ZNF536: variants seen among roughly 807,000 people sequenced by gnomAD.
ZNF536 encodes zinc finger protein 536.
In ZNF536, 13 loss-of-function variants were observed where a neutral mutation model predicts 84.5. The observed-to-expected ratio is 0.15, with a 90% CI of 0.10 to 0.24. The LOEUF (loss-of-function observed/expected upper bound fraction) is 0.24. Among genes scored for constraint, ZNF536 ranks in the 10% least tolerant of loss-of-function variants. The probability of loss-of-function intolerance (pLI) is 1.00; values close to 1 mark genes in which losing one functional copy is unlikely to be tolerated. For synonymous variants in ZNF536, 811 were observed against 742.5 expected (o/e 1.09, Z -1.50); for missense variants, 1,536 against 1,747.5 (o/e 0.88, Z 2.16).
chr19:30,291,517 C>T (rs566141365), intron 2 of ZNF536, among the ~76,000 whole-genome samples: 1 of 152,246 alleles, frequency 6.6e-6, no homozygotes, highest in South Asian at 2.1e-4. Context: ...TATCCTTCAC[C>T]CACTTTTTGA....
chr19:30,317,009 T>C (rs887616441), intron 2 of ZNF536, among the ~76,000 whole-genome samples: 11 of 152,226 alleles, frequency 7.2e-5, no homozygotes, highest in Non-Finnish European at 7.3e-5. Context: ...AAGCGTGGGC[T>C]TGGCAAGGCC....
At chr19:30,365,976 T>A (rs1399339977) in intron 3 of ZNF536, among the ~76,000 whole-genome samples, 3 of 152,174 alleles carry the variant, frequency 2.0e-5, no homozygotes, top group African/African-American at 7.2e-5. Context: ...AATCTTGCTA[T>A]GTGTCTGGTG....
At chr19:30,401,768 TTTC>T (rs769921415) in intron 1 of ZNF536, among the ~76,000 whole-genome samples, 248 of 152,334 alleles carry the variant, frequency 1.6e-3, no homozygotes, top group Admixed American at 0.015. Context: ...GTAGGTGTGT[TTTC>T]TTCTTCTTCA....
chr19:30,680,338 G>T (rs1367234170), intron 1 of ZNF536, among the ~76,000 whole-genome samples: 2 of 150,530 alleles, frequency 1.3e-5, no homozygotes, highest in Admixed American at 1.3e-4. Context: ...TGCCATGTTG[G>T]TGTGCTGCAC....
At chr19:30,632,510 G>A (rs1247667350) in intron 1 of ZNF536, among the ~76,000 whole-genome samples, 3 of 152,184 alleles carry the variant, frequency 2.0e-5, no homozygotes, top group Admixed American at 6.5e-5. Context: ...GGAGGCTGAG[G>A]CAGGAGAATC....
rs2024083795 is a variant in ZNF536, at chr19:30,243,625, A to T, written c.-190+14952A>T. Among the ~76,000 whole-genome samples the T allele has an allele frequency of 2.0e-5, 3 of 152,344 alleles. No individual in the cohort carries two copies. The South Asian group carries it at 6.2e-4, about 32-fold the overall frequency. Reference sequence around the variant, plus strand: ...AATGAAAAAATTATATTTTTCCCCAACTTAGAGAAGAGTTCCAACAATAGG... The same window carrying T: ...AATGAAAAAATTATATTTTTCCCCATCTTAGAGAAGAGTTCCAACAATAGG... On this transcript the variant is annotated intron_variant, in intron 1 of 5. Transcript: ENST00000585628.
chr19:30,484,555 G>A (rs894470098), intron 2 of ZNF536, among the ~76,000 whole-genome samples: 1 of 151,860 alleles, frequency 6.6e-6, no homozygotes, highest in African/African-American at 2.4e-5. Context: ...AATATATCAA[G>A]TAAGTGTTTC....
At chr19:30,626,600 TC>T (rs897576795) in intron 1 of ZNF536, among the ~76,000 whole-genome samples, 5 of 152,072 alleles carry the variant, frequency 3.3e-5, no homozygotes, top group African/African-American at 1.2e-4. Context: ...GGAGGCCTTT[TC>T]CCCCGCTACC....
At chr19:30,245,189 G>C (rs918892408) in intron 1 of ZNF536, among the ~76,000 whole-genome samples, 2 of 152,166 alleles carry the variant, frequency 1.3e-5, no homozygotes, top group Non-Finnish European at 2.9e-5. Flanking sequence ...GGCTGCCCCA[G>C]CACAATGCTC....
At chr19:30,692,747 G>T (rs988019709) in intron 1 of ZNF536, among the ~76,000 whole-genome samples, 1 of 152,140 alleles carries the variant, frequency 6.6e-6, no homozygotes, top group Non-Finnish European at 1.5e-5. Context: ...AAGGGGAGAG[G>T]GTTCAGAAGG....
At chr19:30,482,791 T>A (rs1054752867) in intron 2 of ZNF536, among the ~76,000 whole-genome samples, 1 of 152,176 alleles carries the variant, frequency 6.6e-6, no homozygotes, top group African/African-American at 2.4e-5. Flanking sequence ...GTTCTATCAG[T>A]CCCTTGTCCA....
chr19:30,687,166 C>T (rs2051223537), intron 1 of ZNF536, among the ~76,000 whole-genome samples: 1 of 152,192 alleles, frequency 6.6e-6, no homozygotes, highest in South Asian at 2.1e-4. Flanking sequence ...AAATGCATGC[C>T]TGGGCCGGGG....
chr19:30,329,386 G>A (rs2047136886), intron 2 of ZNF536, among the ~76,000 whole-genome samples: 1 of 152,130 alleles, frequency 6.6e-6, no homozygotes, highest in Non-Finnish European at 1.5e-5. Flanking sequence ...GAATTTTGGA[G>A]GTGGGGGGCT....
At position 30,549,378 on chromosome 19, in the gene ZNF536, G is replaced by T. The variant is rs141558241; in HGVS notation, c.3759G>T (p.Arg1253=). 3.0e-5 allele frequency: 48 copies of T among 1,599,968 alleles called. No homozygotes were observed. Among genetic ancestry groups the T allele is most frequent in the African/African-American group, 4.0e-5 (3 of 74,702 alleles). The change falls in exon 4 of 5, where the codon CGG becomes CGT. Residue 1253 remains arginine (R), a synonymous_variant. Coordinates refer to ENST00000355537, the MANE Select transcript of ZNF536 (RefSeq NM_014717.3). ...DPLAGLPKPE[R]GPQSLDKPMN... is the part of the protein sequence containing the mutation. ...TGGCGGGCCTGCCAAAGCCGGAGCGGGGGCCCCAGAGCCTGGACAAGCCGA... is the reference window on the plus strand; with the variant it reads ...TGGCGGGCCTGCCAAAGCCGGAGCGTGGGCCCCAGAGCCTGGACAAGCCGA...
At chr19:30,605,327 T>C (rs985324659) in intron 1 of ZNF536, among the ~76,000 whole-genome samples, 6 of 151,882 alleles carry the variant, frequency 4.0e-5, no homozygotes, top group Non-Finnish European at 8.8e-5. Flanking sequence ...CTTTTACCCC[T>C]GACCCCCTCC....
intron 2 of ZNF536, among the ~76,000 whole-genome samples, chr19:30,500,695 G>A (rs1325648063): frequency 6.6e-6 from 1 of 152,082 alleles, no homozygotes; most frequent in African/African-American, 2.4e-5. Context: ...ATGAATGTGG[G>A]TCTCACAACC....
chr19:30,624,472 A>T (rs2048603335), intron 1 of ZNF536, among the ~76,000 whole-genome samples: 1 of 152,206 alleles, frequency 6.6e-6, no homozygotes, highest in African/African-American at 2.4e-5. Flanking sequence ...CTTCCTAGGT[A>T]GTAACACTTT....
chr19:30,457,851 A>T (rs928797135), intron 2 of ZNF536, among the ~76,000 whole-genome samples: 2 of 152,114 alleles, frequency 1.3e-5, no homozygotes, highest in African/African-American at 4.8e-5. Flanking sequence ...TGGGTGTCTC[A>T]TGGGAGGGCT....
At chr19:30,657,231 G>C (rs2049946435) in intron 1 of ZNF536, among the ~76,000 whole-genome samples, 1 of 152,202 alleles carries the variant, frequency 6.6e-6, no homozygotes, top group Admixed American at 6.5e-5. Context: ...TGCTATGTGG[G>C]TTTAAGCTGG....
Sources: gnomAD v4.1 joint callset for allele counts (sites outside exome capture counted in the v4.1 genomes callset) on GRCh38, gnomAD v4.1.1 for gene constraint, MANE v1.5 for transcripts, NCBI Gene and HGNC (gene_info 2026-07-23, HGNC 2026-07-21) for gene names.